The following NUDCD2 variants were observed in gnomAD, a reference collection of about 807,000 sequenced individuals.
NUDCD2 encodes the protein NudC domain containing 2.
A neutral mutation model predicts 20.8 loss-of-function variants in NUDCD2; 16 were observed. The ratio of observed to expected loss-of-function variants is 0.77; its 90% CI spans 0.52 to 1.17. The LOEUF (loss-of-function observed/expected upper bound fraction) is 1.17. NUDCD2 is among the 50% of genes most tolerant of loss of function. NUDCD2 has a pLI of 0.00. For missense variants in NUDCD2, 199 were observed against 193.9 expected, an observed-to-expected ratio of 1.03 and a Z score of -0.16; for synonymous variants, 87 against 72.8, an observed-to-expected ratio of 1.20 and a Z score of -1.00.
intron 2 of NUDCD2, 34 bp downstream of exon 2, chr5:163,457,528 T>TTTTAATTTGATTTATA: frequency 8.0e-7 from 1 of 1,251,062 alleles, no homozygotes; most frequent in Non-Finnish European, 1.2e-6. Flanking sequence ...GACAAAATTA[T>TTTTAATTTGATTTATA]TTTAATTTGA....
In NUDCD2 at chr5:163,449,494, G is replaced by A. The variant is rs568028136; in HGVS notation, c.*4473C>T. 1 of 152,356 alleles carries A rather than the reference G, an allele frequency of 6.6e-6. No homozygotes were observed. Among genetic ancestry groups the A allele is most frequent in the East Asian group, 1.9e-4 (1 of 5,192 alleles). The allele number at this position is 152,356 out of a possible 1,614,324, so 9.4% of individuals were successfully genotyped here. On this transcript the variant is annotated 3_prime_UTR_variant, in exon 4 of 4. Coordinates refer to ENST00000302764, the MANE Select transcript of NUDCD2 (RefSeq NM_145266.6). ...AAGAGGTCCTAAATAGATACCTCAT[G>A]TTCATGGATTGGAAGACACAAAATT...
At chr5:163,459,358 C>T (rs1213585580) in intron 1 of NUDCD2, 2 of 152,244 alleles carry the variant, frequency 1.3e-5, no homozygotes, top group Non-Finnish European at 2.9e-5. Context: ...ACTCCACAAA[C>T]ATGCAGGATT....
In NUDCD2 at chr5:163,446,601, A is replaced by G. The variant is rs1207847622; in HGVS notation, c.*7366T>C. ...GTGCTGTCATCATGATCATAGAATA[A>G]TAACAACACTCAATTTATTTCTCTA... On this transcript the variant is annotated 3_prime_UTR_variant, in exon 4 of 4. Coordinates refer to ENST00000302764, the MANE Select transcript of NUDCD2 (RefSeq NM_145266.6). 1 of 152,250 alleles carries G rather than the reference A, an allele frequency of 6.6e-6. No homozygotes were observed. The highest frequency in any genetic ancestry group is 1.5e-5 in the Non-Finnish European group (1 of 68,050). 9.4% of individuals were successfully genotyped at this position (152,250 alleles called of 1,614,324 possible). A position where few individuals can be genotyped will look rare whatever the true frequency, so the allele number is the denominator to read the frequency against.
In NUDCD2 at chr5:163,450,565, A is replaced by G. The variant is rs1758153631; in HGVS notation, c.*3402T>C. The G allele has an allele frequency of 6.6e-6, 1 of 152,246 alleles. No individual in the cohort carries two copies. Among genetic ancestry groups the G allele is most frequent in the South Asian group, 2.1e-4 (1 of 4,832 alleles). 9.4% of individuals were successfully genotyped at this position (152,246 alleles called of 1,614,324 possible). ...TACACAAATAGCCAATAAGCACAAG[A>G]AAGAATGCTCAACATAGTATCAGAG... On this transcript the variant is annotated 3_prime_UTR_variant, in exon 4 of 4. Transcript: ENST00000302764.
At chr5:163,455,818 C>T (rs1303822533) in intron 3 of NUDCD2, among the ~76,000 whole-genome samples, 1 of 149,516 alleles carries the variant, frequency 6.7e-6, no homozygotes, top group Non-Finnish European at 1.5e-5. Context: ...CCAATTAGAA[C>T]GTTATTAGAG....
intron 1 of NUDCD2, among the ~76,000 whole-genome samples, chr5:163,458,136 C>A (rs545684220): frequency 6.6e-6 from 1 of 151,886 alleles, no homozygotes; most frequent in South Asian, 2.1e-4. Flanking sequence ...GCGCCCGCCA[C>A]CACGCCCGGC....
intron 1 of NUDCD2, chr5:163,459,104 G>C (rs1222542671): frequency 6.6e-6 from 1 of 152,204 alleles, no homozygotes; most frequent in Non-Finnish European, 1.5e-5. Flanking sequence ...AAGATATAGA[G>C]ACACTGAACA....
chr5:163,460,085 G>A lies in NUDCD2; in HGVS notation c.-35C>T, dbSNP rs571548296. The A allele has an allele frequency of 3.0e-5, 45 of 1,505,888 alleles. No homozygotes were observed. In the South Asian group the frequency reaches 5.0e-4, roughly 17 times the overall value. The allele number at this position is 1,505,888 out of a possible 1,614,324, so 93.3% of individuals were successfully genotyped here. A position where few individuals can be genotyped will look rare whatever the true frequency, so the allele number is the denominator to read the frequency against. On this transcript the variant is annotated 5_prime_UTR_variant, in exon 1 of 4. Transcript: ENST00000302764. ...CCTCCCGGCCGCGGCCGCACCAGGC[G>A]GAGCCGAGCGCACGCGCGGAATCCC...
chr5:163,456,265 T>A (rs1366358699), intron 3 of NUDCD2, among the ~76,000 whole-genome samples: 1 of 152,238 alleles, frequency 6.6e-6, no homozygotes, highest in East Asian at 1.9e-4. Flanking sequence ...GATATTTATC[T>A]TAAAGATATC....
At position 163,457,605 on chromosome 5, in the gene NUDCD2, T is replaced by C; in HGVS notation, c.195A>G (p.Lys65=). The change falls in exon 2 of 4, where the codon AAA becomes AAG. Residue 65 remains lysine, a synonymous_variant. Coordinates refer to ENST00000302764, the MANE Select transcript of NUDCD2 (RefSeq NM_145266.6). ...CATCAGCTATTGTAGAATCAAAGAG[T>C]TTGCCCTGAAAAATAAACATATAAG... ...SVGGREILKG[K]LFDSTIADEG... 6.3e-7 allele frequency: 1 copy of C among 1,583,216 alleles called. No individual in the cohort carries two copies.
intron 3 of NUDCD2, 68 bp from the exon 4 acceptor site, chr5:163,454,118 A>T (rs1346747035): frequency 5.2e-6 from 4 of 762,824 alleles, no homozygotes; most frequent in Admixed American, 2.8e-5. Context: ...CAAACTGGCA[A>T]TTGATAAAAA....
intron 2 of NUDCD2, 116 bp downstream of exon 2, chr5:163,457,446 C>A (rs1758351463): frequency 1.4e-6 from 1 of 705,260 alleles, no homozygotes; most frequent in Admixed American, 2.5e-5. Context: ...GTTTTCAACA[C>A]ATTTCTATTG....
chr5:163,454,855 A>C (rs1758264023), intron 3 of NUDCD2, among the ~76,000 whole-genome samples: 1 of 142,364 alleles, frequency 7.0e-6, no homozygotes, highest in African/African-American at 3.1e-5. Context: ...GTGAAAAAAA[A>C]CAAAAATCCC....
Position 163,457,050 on chromosome 5 carries a change from G to C in NUDCD2, c.269C>G (p.Thr90Arg), listed in dbSNP as rs747827504. Residue 90 changes from threonine to arginine, a missense_variant, in exon 3 of 4, where the codon ACA becomes AGA. Thr to Arg is a moderately conservative substitution (Grantham distance 71). Transcript: ENST00000302764. ...EDRKMVRIVL[T>R]KTKRDAANCW... ...ATTTGCTGCATCTCTCTTTGTCTTT[G>C]TAAGAACAATACGAACCATTTTTCT... 3 of 1,610,402 alleles carry C rather than the reference G, an allele frequency of 1.9e-6. No homozygotes were observed. The highest frequency in any genetic ancestry group is 1.7e-6 in the Non-Finnish European group (2 of 1,178,960).
At chr5:163,457,115 T>A in intron 2 of NUDCD2, 35 bp from the exon 3 acceptor site, 2 of 1,521,400 alleles carry the variant, frequency 1.3e-6, no homozygotes. Context: ...CACGCACAAA[T>A]AAATTAGAGT....
In NUDCD2 at chr5:163,460,064, C is replaced by T. The variant is rs754873606; in HGVS notation, c.-14G>A. On this transcript the variant is annotated 5_prime_UTR_variant, in exon 1 of 4. Transcript: ENST00000302764. ...CGGGGCCGACATAATCCAGTCCCTC[C>T]CGGCCGCGGCCGCACCAGGCGGAGC... 1 of 1,533,734 alleles carries T rather than the reference C, an allele frequency of 6.5e-7. No individual in the cohort carries two copies.
chr5:163,453,622 A>C lies in NUDCD2; in HGVS notation c.*345T>G, dbSNP rs1289471612. The C allele has an allele frequency of 1.2e-5, 2 of 161,404 alleles. No individual in the cohort carries two copies. Among genetic ancestry groups the C allele is most frequent in the South Asian group, 4.1e-4 (2 of 4,926 alleles). 10.0% of individuals were successfully genotyped at this position (161,404 alleles called of 1,614,324 possible). On this transcript the variant is annotated 3_prime_UTR_variant, in exon 4 of 4. Coordinates refer to ENST00000302764, the MANE Select transcript of NUDCD2 (RefSeq NM_145266.6). ...TGAATATCATACTTATCAAAAGAAA[A>C]AGTTAATTTTCCCCAAAGGCACCCT... is the stretch of plus-strand genomic sequence containing the variant.
In NUDCD2 at chr5:163,451,127, G is replaced by A. The variant is rs1237112413; in HGVS notation, c.*2840C>T. 6.6e-6 allele frequency: 1 copy of A among 152,176 alleles called. No individual in the cohort carries two copies. Among genetic ancestry groups the A allele is most frequent in the Non-Finnish European group, 1.5e-5 (1 of 68,042 alleles). The allele number at this position is 152,176 out of a possible 1,614,324, so 9.4% of individuals were successfully genotyped here. A position where few individuals can be genotyped will look rare whatever the true frequency, so the allele number is the denominator to read the frequency against. On this transcript the variant is annotated 3_prime_UTR_variant, in exon 4 of 4. Transcript: ENST00000302764. The stretch of plus-strand genomic sequence containing the variant: ...AGAGGTAGTATGGATGGCGGGGGAT[G>A]ACAGGAGAAGGATAAAAGCTAAACT...
Position 163,453,796 on chromosome 5 carries a change from G to T in NUDCD2, c.*171C>A. 2.3e-6 allele frequency: 1 copy of T among 434,326 alleles called. No individual in the cohort carries two copies. Among genetic ancestry groups the T allele is most frequent in the East Asian group, 3.6e-5 (1 of 27,992 alleles). The allele number at this position is 434,326 out of a possible 1,614,324, so 26.9% of individuals were successfully genotyped here. ...ATATATCCATAGAATAGTTCCCACAGTACATTTCCTATGTAAATTATGTTT... is the reference window on the plus strand; with the variant it reads ...ATATATCCATAGAATAGTTCCCACATTACATTTCCTATGTAAATTATGTTT... On this transcript the variant is annotated 3_prime_UTR_variant, in exon 4 of 4. Coordinates refer to ENST00000302764, the MANE Select transcript of NUDCD2 (RefSeq NM_145266.6).
Sources: gnomAD v4.1 joint callset for allele counts (sites outside exome capture counted in the v4.1 genomes callset) on GRCh38, gnomAD v4.1.1 for gene constraint, MANE v1.5 for transcripts, NCBI Gene and HGNC (gene_info 2026-07-23, HGNC 2026-07-21) for gene names.